The following SLC24A2 variants were observed in gnomAD, a reference collection of about 807,000 sequenced individuals.
The protein encoded by SLC24A2 is sodium/potassium/calcium exchanger 2.
A neutral mutation model predicts 62.0 loss-of-function variants in SLC24A2; 36 were observed. That is an observed-to-expected ratio of 0.58 (90% CI 0.44 to 0.77). The LOEUF (loss-of-function observed/expected upper bound fraction) is 0.77, where lower values mean the gene tolerates loss of function less well. Among genes scored for constraint, SLC24A2 ranks in the 30% least tolerant of loss-of-function variants. The pLI is 0.00. For missense variants in SLC24A2, 846 were observed against 817.9 expected, an observed-to-expected ratio of 1.03 and a Z score of -0.42; for synonymous variants, 358 against 294.0, an observed-to-expected ratio of 1.22 and a Z score of -2.23.
At chr9:19,745,117 T>G (rs1183816744) in intron 2 of SLC24A2, among the ~76,000 whole-genome samples, 1 of 152,072 alleles carries the variant, frequency 6.6e-6, no homozygotes, top group African/African-American at 2.4e-5. Context: ...TGCACTGAGT[T>G]CATGTGAGAT....
At chr9:20,191,251 A>G in the SLC24A2 span, among the ~76,000 whole-genome samples, 1 of 151,908 alleles carries the variant, frequency 6.6e-6, no homozygotes, top group Admixed American at 6.6e-5. Context: ...CTTATAAAAT[A>G]TCATTGATGA....
Position 19,567,184 on chromosome 9 carries a change from AAAG to A in SLC24A2, c.1347+6164_1347+6166del, listed in dbSNP as rs529930821. ...CTAGAAAAGAATCTGGAAAAAAAAA[AAAG>A]AAAATCTGCTTTTTGGAAACAAAAA... On this transcript the variant is annotated intron_variant, in intron 7 of 10. Transcript: ENST00000341998. Among the ~76,000 whole-genome samples the A allele has an allele frequency of 3.3e-3, 505 of 151,250 alleles. 6 individuals are homozygous for A. Among genetic ancestry groups the A allele is most frequent in the African/African-American group, 0.012 (476 of 41,292 alleles).
intron 5 of SLC24A2, among the ~76,000 whole-genome samples, chr9:19,589,795 C>T (rs1836496579): frequency 6.6e-6 from 1 of 152,132 alleles, no homozygotes; most frequent in Non-Finnish European, 1.5e-5. Context: ...ATCAAGTTTT[C>T]ATAGGGTTTA....
At chr9:19,892,557 A>G in the SLC24A2 span, among the ~76,000 whole-genome samples, 2 of 152,218 alleles carry the variant, frequency 1.3e-5, no homozygotes, top group Non-Finnish European at 2.9e-5. Context: ...CTGTCCACAC[A>G]TCCTCAAAAC....
intron 4 of SLC24A2, among the ~76,000 whole-genome samples, chr9:19,606,690 A>C (rs1036962567): frequency 2.0e-5 from 3 of 152,218 alleles, no homozygotes; most frequent in African/African-American, 7.2e-5. Flanking sequence ...TCTGATATAG[A>C]CCTGTAAACT....
the SLC24A2 span, among the ~76,000 whole-genome samples, chr9:20,250,995 G>T: frequency 0.65 from 99,599 of 152,116 alleles, 35,295 homozygotes; most frequent in East Asian, 0.95. Flanking sequence ...ACTCAAAATA[G>T]GCAAGGCGCC....
chr9:19,580,119 T>G (rs1836158586), intron 5 of SLC24A2, among the ~76,000 whole-genome samples: 1 of 152,214 alleles, frequency 6.6e-6, no homozygotes. Flanking sequence ...TCTTGCTGCC[T>G]TAGGGGCAGC....
chr9:19,873,534 TTC>T, the SLC24A2 span, among the ~76,000 whole-genome samples: 51 of 121,618 alleles, frequency 4.2e-4, no homozygotes, highest in East Asian at 2.1e-3. Flanking sequence ...CTTCCTTTCT[TTC>T]TCTTTCTTTC....
intron 10 of SLC24A2, among the ~76,000 whole-genome samples, chr9:19,517,354 A>AG (rs1437823830): frequency 3.9e-5 from 6 of 152,198 alleles, no homozygotes; most frequent in African/African-American, 1.4e-4. Context: ...ACAAAAGCTA[A>AG]GGGAGGTTCA....
At chr9:20,194,897 A>C in the SLC24A2 span, among the ~76,000 whole-genome samples, 3 of 152,002 alleles carry the variant, frequency 2.0e-5, no homozygotes, top group Non-Finnish European at 4.4e-5. Flanking sequence ...CATCACAACC[A>C]CTACTCCACT....
chr9:19,942,525 T>A, the SLC24A2 span, among the ~76,000 whole-genome samples: 3 of 152,200 alleles, frequency 2.0e-5, no homozygotes, highest in African/African-American at 7.2e-5. Context: ...ACATTTATAC[T>A]AACTGCAGAA....
chr9:20,258,174 G>A, the SLC24A2 span, among the ~76,000 whole-genome samples: 1 of 152,308 alleles, frequency 6.6e-6, no homozygotes, highest in Non-Finnish European at 1.5e-5. Context: ...TGGGAAAAGA[G>A]TCTTTGCCAA....
chr9:20,159,046 T>C, the SLC24A2 span, among the ~76,000 whole-genome samples: 1 of 151,758 alleles, frequency 6.6e-6, no homozygotes. Flanking sequence ...GAGTTCTCAA[T>C]AGCAACATAA....
At chr9:20,301,414 C>T in the SLC24A2 span, among the ~76,000 whole-genome samples, 1 of 152,020 alleles carries the variant, frequency 6.6e-6, no homozygotes, top group African/African-American at 2.4e-5. Flanking sequence ...AACCCTACCA[C>T]CTAGACATGA....
At chr9:20,081,939 C>T in the SLC24A2 span, among the ~76,000 whole-genome samples, 5 of 152,248 alleles carry the variant, frequency 3.3e-5, no homozygotes, top group South Asian at 1.0e-3. Context: ...AGCTTTGTTC[C>T]CTCAGCCCTG....
chr9:19,519,955 G>A (rs1271649345), intron 10 of SLC24A2, among the ~76,000 whole-genome samples: 1 of 152,096 alleles, frequency 6.6e-6, no homozygotes, highest in Non-Finnish European at 1.5e-5. Flanking sequence ...GTGAACTCTG[G>A]GCCCTTCAGT....
the SLC24A2 span, among the ~76,000 whole-genome samples, chr9:19,918,942 A>C: frequency 6.6e-6 from 1 of 152,234 alleles, no homozygotes; most frequent in African/African-American, 2.4e-5. Context: ...TGTTCTGGGC[A>C]AGAAAGATAA....
At chr9:20,054,608 A>G in the SLC24A2 span, among the ~76,000 whole-genome samples, 2 of 152,124 alleles carry the variant, frequency 1.3e-5, no homozygotes, top group Non-Finnish European at 2.9e-5. Context: ...CTGAGTTTTC[A>G]AAGTCCATTA....
intron 2 of SLC24A2, among the ~76,000 whole-genome samples, chr9:19,642,429 A>G (rs7043635): frequency 0.76 from 114,979 of 151,996 alleles, 43,637 homozygotes; most frequent in East Asian, 0.86. Context: ...GCATGTATGA[A>G]TTTAGCATCC....
Sources: allele counts gnomAD v4.1 joint callset (sites outside exome capture counted in the v4.1 genomes callset), GRCh38; gene constraint gnomAD v4.1.1; transcripts MANE v1.5; gene names NCBI Gene and HGNC (gene_info 2026-07-23, HGNC 2026-07-21).